SMAD1: variants seen among roughly 807,000 people sequenced by gnomAD.
SMAD1 encodes MAD, mothers against decapentaplegic homolog 1.
A neutral mutation model predicts 41.6 loss-of-function variants in SMAD1; 6 were observed. The ratio of observed to expected loss-of-function variants is 0.14; its 90% confidence interval spans 0.08 to 0.28. The LOEUF is 0.28. SMAD1 is among the 10% of genes least tolerant of loss of function. SMAD1 has a pLI of 1.00. For synonymous variants in SMAD1, 206 were observed against 203.2 expected (o/e 1.01, Z -0.12); for missense variants, 379 against 582.6 (o/e 0.65, Z 3.60).
intron 2 of SMAD1, among the ~76,000 whole-genome samples, chr4:145,523,251 CAG>C (rs1228268270): frequency 6.6e-6 from 1 of 152,128 alleles, no homozygotes; most frequent in Non-Finnish European, 1.5e-5. Flanking sequence ...GAGGTGTGGA[CAG>C]AGACTGCGAC....
intron 1 of SMAD1, among the ~76,000 whole-genome samples, chr4:145,488,326 G>T: frequency 6.6e-6 from 1 of 152,096 alleles, no homozygotes; most frequent in South Asian, 2.1e-4. Flanking sequence ...TGTTGATTCA[G>T]AATATATTTT....
At chr4:145,530,603 T>C (rs1014403020) in intron 2 of SMAD1, among the ~76,000 whole-genome samples, 1 of 152,200 alleles carries the variant, frequency 6.6e-6, no homozygotes, top group African/African-American at 2.4e-5. Flanking sequence ...GAAATTCATT[T>C]ATCTATGTCA....
intron 2 of SMAD1, among the ~76,000 whole-genome samples, chr4:145,521,952 G>T (rs1461274660): frequency 6.6e-6 from 1 of 150,780 alleles, no homozygotes; most frequent in African/African-American, 2.4e-5. Context: ...TGCTCTTTGT[G>T]CACTTTTCAT....
In SMAD1 at chr4:145,558,004, C is replaced by A; in HGVS notation, c.*70C>A. 1 of 1,207,278 alleles carries A rather than the reference C, an allele frequency of 8.3e-7. No homozygotes were observed. Among genetic ancestry groups the A allele is most frequent in the Non-Finnish European group, 1.1e-6 (1 of 883,522 alleles). The allele number at this position is 1,207,278 out of a possible 1,614,324, so 74.8% of individuals were successfully genotyped here. A position where few individuals can be genotyped will look rare whatever the true frequency, so the allele number is the denominator to read the frequency against. On this transcript the variant is annotated 3_prime_UTR_variant, in exon 7 of 7. Transcript: ENST00000302085. ...GTACTTGAAGGATGGATGAGTCAGA[C>A]ACGATTGAGAACTGACAAAGGAGCC...
At chr4:145,540,254 AT>A (rs1172182612) in intron 3 of SMAD1, among the ~76,000 whole-genome samples, 193 bp downstream of exon 3, 1 of 152,220 alleles carries the variant, frequency 6.6e-6, no homozygotes, top group East Asian at 1.9e-4. Flanking sequence ...GTCTTATTTT[AT>A]TTGTCAGGCA....
chr4:145,532,702 C>G (rs747763074), intron 2 of SMAD1, among the ~76,000 whole-genome samples: 2 of 152,164 alleles, frequency 1.3e-5, no homozygotes, highest in Non-Finnish European at 2.9e-5. Flanking sequence ...CCTTAGTGCA[C>G]TAAGAAAGTG....
intron 2 of SMAD1, among the ~76,000 whole-genome samples, chr4:145,527,573 GC>G (rs774987078): frequency 6.6e-6 from 1 of 152,058 alleles, no homozygotes; most frequent in African/African-American, 2.4e-5. Flanking sequence ...TACCAATGTG[GC>G]TACTGATATG....
intron 6 of SMAD1, among the ~76,000 whole-genome samples, chr4:145,556,559 C>T (rs1448448128): frequency 6.6e-6 from 1 of 151,968 alleles, no homozygotes; most frequent in Non-Finnish European, 1.5e-5. Flanking sequence ...CAGCTTCAAG[C>T]AATTCTCCTG....
intron 5 of SMAD1, among the ~76,000 whole-genome samples, chr4:145,552,759 C>T (rs1291942540): frequency 6.6e-6 from 1 of 152,122 alleles, no homozygotes; most frequent in Non-Finnish European, 1.5e-5. Flanking sequence ...CTTAGCTGTA[C>T]AATAAATGCA....
chr4:145,492,949 C>T (rs1219892076), intron 1 of SMAD1, among the ~76,000 whole-genome samples: 1 of 152,192 alleles, frequency 6.6e-6, no homozygotes, highest in Non-Finnish European at 1.5e-5. Context: ...TTACATTCAG[C>T]CTTAAGTGAG....
chr4:145,536,901 G>C (rs528378038), intron 2 of SMAD1, among the ~76,000 whole-genome samples: 8 of 152,230 alleles, frequency 5.3e-5, no homozygotes, highest in African/African-American at 1.9e-4. Context: ...CATGTGAACT[G>C]AGAAGGGAAT....
intron 2 of SMAD1, among the ~76,000 whole-genome samples, chr4:145,535,137 T>C (rs1369229691): frequency 1.3e-5 from 2 of 152,062 alleles, no homozygotes; most frequent in Non-Finnish European, 2.9e-5. Context: ...GAAATGTAAA[T>C]TAAAATTGCA....
chr4:145,536,369 T>TA (rs1731615035), intron 2 of SMAD1, among the ~76,000 whole-genome samples: 1 of 152,032 alleles, frequency 6.6e-6, no homozygotes, highest in Admixed American at 6.6e-5. Flanking sequence ...AAAGGGAAGG[T>TA]AAGAGATAAG....
At chr4:145,502,376 G>A (rs182594894) in intron 1 of SMAD1, among the ~76,000 whole-genome samples, 1 of 152,282 alleles carries the variant, frequency 6.6e-6, no homozygotes, top group East Asian at 1.9e-4. Context: ...TAGAGGAAAT[G>A]GCAAGAAGAT....
chr4:145,490,245 G>A (rs183055416), intron 1 of SMAD1, among the ~76,000 whole-genome samples: 2 of 152,280 alleles, frequency 1.3e-5, no homozygotes, highest in East Asian at 1.9e-4. Context: ...TGTTGACCGT[G>A]GTAAGGAGGG....
At chr4:145,557,622 TTA>T (rs762405958) in intron 6 of SMAD1, among the ~76,000 whole-genome samples, 167 bp from the exon 7 acceptor site, 14 of 152,112 alleles carry the variant, frequency 9.2e-5, no homozygotes, top group Non-Finnish European at 1.6e-4. Flanking sequence ...GCCTGCGAAA[TTA>T]TGCGTGCGTT....
chr4:145,509,805 A>G (rs1181353942), intron 1 of SMAD1, among the ~76,000 whole-genome samples: 1 of 152,202 alleles, frequency 6.6e-6, no homozygotes, highest in Non-Finnish European at 1.5e-5. Flanking sequence ...AATAATACCA[A>G]CTTCAAAAAA....
intron 2 of SMAD1, among the ~76,000 whole-genome samples, chr4:145,533,264 G>A (rs1258546729): frequency 6.6e-6 from 1 of 152,204 alleles, no homozygotes; most frequent in African/African-American, 2.4e-5. Flanking sequence ...CTTATAGTTA[G>A]TGTGAACATT....
intron 2 of SMAD1, among the ~76,000 whole-genome samples, chr4:145,518,224 G>C (rs955812936): frequency 7.9e-6 from 1 of 126,202 alleles, no homozygotes; most frequent in African/African-American, 2.5e-5. Context: ...CTATGATCAT[G>C]CCTGTAAATA....
Sources: allele counts gnomAD v4.1 joint callset (sites outside exome capture counted in the v4.1 genomes callset), GRCh38; gene constraint gnomAD v4.1.1; transcripts MANE v1.5; gene names NCBI Gene and HGNC (gene_info 2026-07-23, HGNC 2026-07-21).